SVOPL: variants seen among roughly 807,000 people sequenced by gnomAD.
SVOPL encodes the protein SVOP like, also known as putative transporter SVOPL.
Under a neutral mutation model 61.0 loss-of-function variants are expected in SVOPL, and 60 were observed. That is an observed-to-expected ratio of 0.98 (90% CI 0.80 to 1.22). The LOEUF (loss-of-function observed/expected upper bound fraction) is 1.22. Ranked by LOEUF, SVOPL falls within the 50% of genes most tolerant of loss-of-function variation. The probability of loss-of-function intolerance (pLI) is 0.00; values close to 1 mark genes in which losing one functional copy is unlikely to be tolerated. For missense variants in SVOPL, 662 were observed against 643.9 expected (o/e 1.03, Z -0.30); for synonymous variants, 279 against 250.0 (o/e 1.12, Z -1.09).
intron 13 of SVOPL, among the ~76,000 whole-genome samples, chr7:138,623,371 C>T (rs1468814813): frequency 4.6e-5 from 7 of 152,192 alleles, no homozygotes; most frequent in South Asian, 2.1e-4. Context: ...GAGGCCGAGG[C>T]GGGCGGATCA....
At chr7:138,656,548 A>G in intron 6 of SVOPL, 37 bp from the exon 7 acceptor site, 1 of 1,600,842 alleles carries the variant, frequency 6.2e-7, no homozygotes, top group Non-Finnish European at 8.5e-7. Context: ...ATTTTGTTTT[A>G]AAAAACTAAA....
chr7:138,656,764 C>A (rs1801756340), intron 6 of SVOPL, among the ~76,000 whole-genome samples: 1 of 152,084 alleles, frequency 6.6e-6, no homozygotes, highest in Admixed American at 6.5e-5. Flanking sequence ...TAAGCCTGGC[C>A]AGGTGTGGTG....
chr7:138,617,780 G>C (rs1268661832), intron 14 of SVOPL, among the ~76,000 whole-genome samples: 3 of 152,128 alleles, frequency 2.0e-5, no homozygotes, highest in Non-Finnish European at 4.4e-5. Flanking sequence ...AGGCTGTAGT[G>C]AGCCCTGATC....
chr7:138,663,304 C>T, intron 4 of SVOPL, 159 bp from the exon 5 acceptor site: 5 of 1,449,916 alleles, frequency 3.4e-6, no homozygotes, highest in Non-Finnish European at 4.5e-6. Flanking sequence ...CCCTGAGGCC[C>T]TTCATGTTCA....
intron 14 of SVOPL, among the ~76,000 whole-genome samples, 178 bp downstream of exon 14, chr7:138,620,868 G>A (rs1799532108): frequency 6.6e-6 from 1 of 152,200 alleles, no homozygotes; most frequent in African/African-American, 2.4e-5. Context: ...CTGAAAGCCT[G>A]GTAGCAGATT....
intron 1 of SVOPL, among the ~76,000 whole-genome samples, chr7:138,700,404 T>G (rs1156936466): frequency 1.4e-5 from 2 of 147,618 alleles, no homozygotes; most frequent in African/African-American, 5.0e-5. Flanking sequence ...CGTGGTGTGA[T>G]CTTGGCTCAC....
At chr7:138,650,029 A>G (rs1191190163) in intron 7 of SVOPL, among the ~76,000 whole-genome samples, 1 of 151,908 alleles carries the variant, frequency 6.6e-6, no homozygotes, top group Non-Finnish European at 1.5e-5. Context: ...ACAGTGTTTC[A>G]CCGTGTTGGT....
At position 138,686,535 on chromosome 7, in the gene SVOPL, T is replaced by C. The variant is rs1802818605; in HGVS notation, c.-34-7456A>G. On this transcript the variant is annotated intron_variant, in intron 1 of 15. Coordinates refer to ENST00000674285, the MANE Select transcript of SVOPL (RefSeq NM_001139456.2). The stretch of plus-strand genomic sequence containing the variant: ...TTCAGAGGAGGATCTGACATGTTCC[T>C]GGCCTAAGGAGTTTTTTGTTTTTTG... 3.3e-5 allele frequency among the ~76,000 whole-genome samples: 5 copies of C among 149,938 alleles called. No individual in the cohort carries two copies. In the Admixed American group the frequency reaches 3.3e-4, roughly 10 times the overall value.
chr7:138,636,476 C>T (rs1659804), intron 9 of SVOPL, among the ~76,000 whole-genome samples: 117,482 of 146,994 alleles, frequency 0.8, 46,858 homozygotes, highest in Middle Eastern at 0.9. Context: ...TAGGATTTTT[C>T]TTTTTTTTTT....
At chr7:138,664,760 C>G (rs1465715019) in intron 4 of SVOPL, among the ~76,000 whole-genome samples, 20 of 146,394 alleles carry the variant, frequency 1.4e-4, no homozygotes, top group South Asian at 2.3e-4. Context: ...CCCTTCCCCC[C>G]TCCCCCGCAC....
At chr7:138,638,384 T>C (rs1406768395) in intron 9 of SVOPL, among the ~76,000 whole-genome samples, 2 of 151,728 alleles carry the variant, frequency 1.3e-5, no homozygotes, top group Non-Finnish European at 2.9e-5. Flanking sequence ...TTAATAAATC[T>C]AAATAAATAC....
intron 13 of SVOPL, among the ~76,000 whole-genome samples, chr7:138,622,202 GTATCTATCTATCTATCTATGTATC>G (rs1799675107): frequency 1.7e-5 from 1 of 59,392 alleles, no homozygotes; most frequent in African/African-American, 6.4e-5. Context: ...ATCTATCTAT[GTATCTATCTATCTATCTATGTATC>G]TATCTATGTA....
At chr7:138,690,010 A>T (rs972418899) in intron 1 of SVOPL, among the ~76,000 whole-genome samples, 1 of 152,122 alleles carries the variant, frequency 6.6e-6, no homozygotes. Context: ...GGGGTGATGC[A>T]TCTATAAGCC....
At chr7:138,651,931 G>A (rs1437729001) in intron 7 of SVOPL, among the ~76,000 whole-genome samples, 2 of 152,064 alleles carry the variant, frequency 1.3e-5, no homozygotes, top group Admixed American at 1.3e-4. Flanking sequence ...ACAGGGTCTC[G>A]CTCTGTTGCC....
At chr7:138,693,564 A>G (rs867725405) in intron 1 of SVOPL, among the ~76,000 whole-genome samples, 11 of 91,296 alleles carry the variant, frequency 1.2e-4, no homozygotes, top group African/African-American at 3.5e-4. Flanking sequence ...AAAGAAAGAA[A>G]GAAAGAAAGA....
intron 9 of SVOPL, among the ~76,000 whole-genome samples, chr7:138,640,164 A>G (rs189443494): frequency 6.6e-6 from 1 of 152,306 alleles, no homozygotes; most frequent in Admixed American, 6.5e-5. Flanking sequence ...ACATGTTAAC[A>G]TGAGAGAAAA....
At chr7:138,610,675 A>G (rs948462692) in intron 14 of SVOPL, among the ~76,000 whole-genome samples, 1 of 152,196 alleles carries the variant, frequency 6.6e-6, no homozygotes, top group African/African-American at 2.4e-5. Context: ...CCTCTTCTCC[A>G]CTAGGCCTTG....
intron 4 of SVOPL, among the ~76,000 whole-genome samples, chr7:138,667,688 C>G (rs551452076): frequency 8.0e-4 from 122 of 152,308 alleles, no homozygotes; most frequent in Admixed American, 1.7e-3. Context: ...TCCTGAGTCA[C>G]CCGGAAACCT....
chr7:138,691,065 G>A (rs78558157), intron 1 of SVOPL, among the ~76,000 whole-genome samples: 1,827 of 152,122 alleles, frequency 0.012, 41 homozygotes, highest in African/African-American at 0.042. Context: ...ATGAGCCACC[G>A]CACCCAGCCT....
Sources: allele counts gnomAD v4.1 joint callset (sites outside exome capture counted in the v4.1 genomes callset), GRCh38; gene constraint gnomAD v4.1.1; transcripts MANE v1.5; gene names NCBI Gene and HGNC (gene_info 2026-07-23, HGNC 2026-07-21).